Variants in ADGRD1 observed in about 807,000 individuals in gnomAD.
The protein encoded by ADGRD1 is adhesion G protein-coupled receptor D1.
ADGRD1 carries 77 observed loss-of-function variants against 113.4 expected under a neutral mutation model. The observed-to-expected ratio is 0.68, with a 90% CI of 0.57 to 0.82. ADGRD1 has a LOEUF of 0.82. Among genes scored for constraint, ADGRD1 ranks in the 40% least tolerant of loss-of-function variants. The pLI, the probability that ADGRD1 is intolerant of heterozygous loss-of-function variation, is 0.00. For synonymous variants in ADGRD1, 474 were observed against 475.0 expected (o/e 1.00, Z 0.03); for missense variants, 1,036 against 1,139.1 (o/e 0.91, Z 1.30).
intron 13 of ADGRD1, among the ~76,000 whole-genome samples, chr12:131,059,425 C>T (rs1433166839): frequency 2.6e-5 from 4 of 152,090 alleles, no homozygotes; most frequent in South Asian, 4.2e-4. Context: ...AAGTGATCTG[C>T]CCCCCTCGGC....
chr12:131,036,130 T>C (rs35065379), intron 13 of ADGRD1, among the ~76,000 whole-genome samples: 25,607 of 151,996 alleles, frequency 0.17, 2,401 homozygotes, highest in African/African-American at 0.23. Flanking sequence ...GACAGCAGGG[T>C]TCAGCCTTGC....
chr12:130,954,800 A>G lies in ADGRD1; in HGVS notation c.103+140A>G, dbSNP rs1327041119. 2.6e-6 allele frequency: 2 copies of G among 772,452 alleles called. No homozygotes were observed. Among genetic ancestry groups the G allele is most frequent in the African/African-American group, 3.4e-5 (2 of 58,768 alleles). The allele number at this position is 772,452 out of a possible 1,614,324, so 47.8% of individuals were successfully genotyped here. A position where few individuals can be genotyped will look rare whatever the true frequency, so the allele number is the denominator to read the frequency against. On this transcript the variant is annotated intron_variant, in intron 2 of 24. Transcript: ENST00000261654. The surrounding 1 kb of genome is among the most constrained non-coding windows in gnomAD (Gnocchi z 4.7). ...TCCTGGTCCCCGACCTCACTGCCTC[A>G]CCACACACTGTGACCCTGGGCAGCT...
At chr12:130,968,927 C>G in intron 3 of ADGRD1, 2 of 1,077,382 alleles carry the variant, frequency 1.9e-6, no homozygotes, top group Non-Finnish European at 2.7e-6. Flanking sequence ...TCCCATTTGT[C>G]TTTTGTCTCA....
Position 130,987,305 on chromosome 12 carries a change from C to T in ADGRD1, c.701C>T (p.Ala234Val), listed in dbSNP as rs756531633. The T allele has an allele frequency of 1.9e-6, 3 of 1,614,080 alleles. No homozygotes were observed. The highest frequency in any genetic ancestry group is 1.7e-5 in the Admixed American group (1 of 60,010). Residue 234 changes from alanine to valine, a missense_variant, in exon 6 of 25, where the codon GCT becomes GTT. Ala to Val is a moderately conservative substitution (Grantham distance 64). Transcript: ENST00000261654. Reference sequence around the variant, plus strand: ...GATGAGTTCATCATCTGGGAGCGGGCTCTGACTCCGGATGAGATCGCCATG... The same window carrying T: ...GATGAGTTCATCATCTGGGAGCGGGTTCTGACTCCGGATGAGATCGCCATG... ...AFDEFIIWER[A>V]LTPDEIAMYF...
chr12:131,012,141 G>A (rs891484744), intron 12 of ADGRD1, among the ~76,000 whole-genome samples: 3 of 152,094 alleles, frequency 2.0e-5, no homozygotes, highest in Admixed American at 6.5e-5. Flanking sequence ...CGTTCTGTAC[G>A]TACAGCTTGT....
chr12:130,999,825 G>A (rs1425648667), intron 8 of ADGRD1, among the ~76,000 whole-genome samples: 5 of 152,132 alleles, frequency 3.3e-5, no homozygotes, highest in South Asian at 2.1e-4. Context: ...GAAAATTCAC[G>A]TTTTCATTTA....
intron 13 of ADGRD1, chr12:131,069,861 CT>C (rs766185336): frequency 1.3e-5 from 2 of 152,158 alleles, no homozygotes; most frequent in Non-Finnish European, 2.9e-5. Context: ...TTTGAGTAGC[CT>C]AATGAGTGAA....
In ADGRD1 at chr12:131,022,171, T is replaced by C. The variant is rs1309827621; in HGVS notation, c.1473+7831T>C. On this transcript the variant is annotated intron_variant, in intron 13 of 24. Transcript: ENST00000261654. The surrounding 1 kb of genome is among the most constrained non-coding windows in gnomAD (Gnocchi z 4.6). ...TGACTTTAGTGGGGAGCAATTCGGCTCCAGCATAGCAAATATGGGATGTGA... is the reference window on the plus strand; with the variant it reads ...TGACTTTAGTGGGGAGCAATTCGGCCCCAGCATAGCAAATATGGGATGTGA... Among the ~76,000 whole-genome samples, 3 of 152,150 alleles carry C rather than the reference T, an allele frequency of 2.0e-5. No individual in the cohort carries two copies. Among genetic ancestry groups the C allele is most frequent in the Admixed American group, 6.5e-5 (1 of 15,274 alleles).
Position 130,992,331 on chromosome 12 carries a change from A to G in ADGRD1, c.905A>G (p.Asn302Ser). 1 of 1,613,182 alleles carries G rather than the reference A, an allele frequency of 6.2e-7. No individual in the cohort carries two copies. Among genetic ancestry groups the G allele is most frequent in the South Asian group, 1.1e-5 (1 of 91,046 alleles). Reference protein sequence around the residue: ...SPGVILSYLQNVSLSLPSKSL... With the variant: ...SPGVILSYLQSVSLSLPSKSL... The stretch of plus-strand genomic sequence containing the variant: ...GGAGTGATACTGAGTTACCTCCAAA[A>G]TGTATCCCTCAGCTTACCCAGTAAG... Residue 302 changes from asparagine to serine, a missense_variant, in exon 8 of 25, where the codon AAT becomes AGT. Transcript: ENST00000261654.
intron 13 of ADGRD1, 111 bp downstream of exon 13, chr12:131,014,451 GCCC>G: frequency 3.2e-6 from 3 of 932,976 alleles, no homozygotes; most frequent in Non-Finnish European, 4.8e-6. Context: ...CTTGGTGCCG[GCCC>G]GAACTGGAAT....
intron 15 of ADGRD1, among the ~76,000 whole-genome samples, chr12:131,097,837 C>A (rs895807971): frequency 6.6e-6 from 1 of 152,176 alleles, no homozygotes; most frequent in African/African-American, 2.4e-5. Flanking sequence ...TGGACCTAGC[C>A]CGGAGTTCCT....
rs766568881 is a variant in ADGRD1 at position 131,136,104 on chromosome 12, G to A, written c.2335G>A (p.Ala779Thr). The stretch of plus-strand genomic sequence containing the variant: ...TACCTCGTGGGTCTTTGGCGTGCTT[G>A]CTGTCAACGGTTGTGCTGTGGTTTT... Reference protein sequence around the residue: ...LGTSWVFGVLAVNGCAVVFQY... With the variant: ...LGTSWVFGVLTVNGCAVVFQY... The change falls in exon 22 of 25, where the codon GCT (alanine) becomes ACT (threonine). Residue 779 changes from alanine to threonine, a missense_variant. Transcript: ENST00000261654. 1.2e-6 allele frequency: 2 copies of A among 1,614,218 alleles called. No individual in the cohort carries two copies. Among genetic ancestry groups the A allele is most frequent in the Non-Finnish European group, 1.7e-6 (2 of 1,180,034 alleles).
At position 131,128,745 on chromosome 12, in the gene ADGRD1, G is replaced by A. The variant is rs192552417; in HGVS notation, c.2176-2980G>A. On this transcript the variant is annotated intron_variant, in intron 20 of 24. Coordinates refer to ENST00000261654, the MANE Select transcript of ADGRD1 (RefSeq NM_198827.5). ...CATACCCACCCCATGGCGGCCTTCA[G>A]TGTATGTGGGGTGTGGCTTCTTCGC... Among the ~76,000 whole-genome samples the A allele has an allele frequency of 2.0e-4, 31 of 152,314 alleles. No individual in the cohort carries two copies. In the East Asian group the frequency reaches 2.3e-3, roughly 11 times the overall value.
At chr12:131,106,844 C>T (rs1250001583) in intron 17 of ADGRD1, among the ~76,000 whole-genome samples, 2 of 152,212 alleles carry the variant, frequency 1.3e-5, no homozygotes, top group East Asian at 1.9e-4. Flanking sequence ...GTGCACTGGC[C>T]TCATGTTCTC....
chr12:130,971,710 G>T lies in ADGRD1; in HGVS notation c.310+130G>T. 1 of 900,194 alleles carries T rather than the reference G, an allele frequency of 1.1e-6. No individual in the cohort carries two copies. The highest frequency in any genetic ancestry group is 1.6e-6 in the Non-Finnish European group (1 of 623,380). 55.8% of individuals were successfully genotyped at this position (900,194 alleles called of 1,614,324 possible). On this transcript the variant is annotated intron_variant, in intron 4 of 24. Transcript: ENST00000261654. This position sits in a 1 kb window ranked among gnomAD's most constrained non-coding sequence, Gnocchi z 4.2. ...CAGAATGCGTGAGAATGTCAACGATGGATCGGAGGGCAGGGGAGGGAGGAA... is the reference window on the plus strand; with the variant it reads ...CAGAATGCGTGAGAATGTCAACGATTGATCGGAGGGCAGGGGAGGGAGGAA...
intron 13 of ADGRD1, among the ~76,000 whole-genome samples, chr12:131,040,375 G>A (rs1881993994): frequency 2.0e-5 from 3 of 152,186 alleles, no homozygotes; most frequent in African/African-American, 7.2e-5. Flanking sequence ...GGTTACATAT[G>A]TTTATACATT....
Position 131,007,267 on chromosome 12 carries a change from C to T in ADGRD1, c.1331+1220C>T, listed in dbSNP as rs988907614. Among the ~76,000 whole-genome samples the T allele has an allele frequency of 3.9e-5, 6 of 152,360 alleles. No homozygotes were observed. The East Asian group carries it at 9.6e-4, about 24-fold the overall frequency. On this transcript the variant is annotated intron_variant, in intron 12 of 24. Transcript: ENST00000261654. Reference sequence around the variant, plus strand: ...TTTCATGAAGGGCCAGCTTGTAAATCGGCTTGGCTTTCCAGAACTCTGCCC... The same window carrying T: ...TTTCATGAAGGGCCAGCTTGTAAATTGGCTTGGCTTTCCAGAACTCTGCCC...
chr12:130,962,003 G>A (rs73164859), intron 2 of ADGRD1, among the ~76,000 whole-genome samples: 5,362 of 152,274 alleles, frequency 0.035, 115 homozygotes, highest in Non-Finnish European at 0.049. Flanking sequence ...CTGCAGTGGT[G>A]CCAGCTGATG....
At position 131,041,355 on chromosome 12, in the gene ADGRD1, G is replaced by A. The variant is rs1041040405; in HGVS notation, c.1473+27015G>A. The stretch of plus-strand genomic sequence containing the variant: ...AGGAAGTTGTCTGGGGAGAAGAAGA[G>A]CAGGTGTGGACAGGGCAGAGGTCCG... On this transcript the variant is annotated intron_variant, in intron 13 of 24. Coordinates refer to ENST00000261654, the MANE Select transcript of ADGRD1 (RefSeq NM_198827.5). The surrounding 1 kb of genome is among the most constrained non-coding windows in gnomAD (Gnocchi z 4.4). 2.0e-5 allele frequency among the ~76,000 whole-genome samples: 3 copies of A among 152,172 alleles called. No homozygotes were observed. Among genetic ancestry groups the A allele is most frequent in the Non-Finnish European group, 2.9e-5 (2 of 68,036 alleles).
Sources: gnomAD v4.1 joint callset for allele counts (sites outside exome capture counted in the v4.1 genomes callset) on GRCh38, gnomAD v4.1.1 for gene constraint, Gnocchi (gnomAD v3.1) non-coding constraint, MANE v1.5 for transcripts, NCBI Gene and HGNC (gene_info 2026-07-23, HGNC 2026-07-21) for gene names.